Variants in CDH11 observed in about 807,000 individuals in gnomAD.
The protein encoded by CDH11 is cadherin-11.
In CDH11, 11 loss-of-function variants were observed where a neutral mutation model predicts 67.8. The observed-to-expected ratio is 0.16, with a 90% CI of 0.10 to 0.27. The LOEUF is 0.27. Among genes scored for constraint, CDH11 ranks in the 10% least tolerant of loss-of-function variants. The pLI, the probability that CDH11 is intolerant of heterozygous loss-of-function variation, is 1.00. For missense variants in CDH11, 847 were observed against 1,031.2 expected, an observed-to-expected ratio of 0.82 and a Z score of 2.45; for synonymous variants, 419 against 400.0, an observed-to-expected ratio of 1.05 and a Z score of -0.57.
At chr16:64,951,143 T>G (rs1376884646) in intron 11 of CDH11, 125 bp from the exon 12 acceptor site, 2 of 956,902 alleles carry the variant, frequency 2.1e-6, no homozygotes, top group Non-Finnish European at 1.5e-6. Flanking sequence ...TCGTTCTTAC[T>G]TGTTCTTTCA....
At chr16:64,989,321 TTG>T (rs1219471071) in intron 6 of CDH11, among the ~76,000 whole-genome samples, 2 of 151,912 alleles carry the variant, frequency 1.3e-5, no homozygotes, top group African/African-American at 4.8e-5. Flanking sequence ...TGTGAGCTAT[TTG>T]TGAGTGAGTT....
chr16:65,080,301 G>GTGCATTAA (rs1447638137), intron 1 of CDH11, among the ~76,000 whole-genome samples: 1 of 150,594 alleles, frequency 6.6e-6, no homozygotes, highest in Non-Finnish European at 1.5e-5. Flanking sequence ...AAAAAAACCT[G>GTGCATTAA]TGCATTAATG....
At chr16:65,012,188 C>A (rs2073197415) in intron 2 of CDH11, among the ~76,000 whole-genome samples, 1 of 152,170 alleles carries the variant, frequency 6.6e-6, no homozygotes, top group East Asian at 1.9e-4. Context: ...TGTAAAGTAT[C>A]GGTCCTGTAT....
At chr16:64,978,911 A>G (rs1437206581) in intron 8 of CDH11, among the ~76,000 whole-genome samples, 1 of 152,072 alleles carries the variant, frequency 6.6e-6, no homozygotes, top group Non-Finnish European at 1.5e-5. Flanking sequence ...AAAAGAATAG[A>G]CCCACTAGAA....
chr16:65,055,339 C>T (rs551330302), intron 1 of CDH11, among the ~76,000 whole-genome samples: 1 of 152,266 alleles, frequency 6.6e-6, no homozygotes, highest in East Asian at 1.9e-4. Flanking sequence ...GGGAGAGGGA[C>T]CTCCACCCTG....
At chr16:65,115,738 C>A (rs950407759) in intron 1 of CDH11, among the ~76,000 whole-genome samples, 9 of 144,440 alleles carry the variant, frequency 6.2e-5, no homozygotes, top group Non-Finnish European at 1.2e-4. Context: ...AACAAAACCT[C>A]AGTAATCAAA....
intron 2 of CDH11, among the ~76,000 whole-genome samples, chr16:65,024,191 T>C (rs1056415177): frequency 4.6e-5 from 7 of 152,342 alleles, no homozygotes; most frequent in Admixed American, 2.0e-4. Context: ...TTATGTCTTC[T>C]GCTTCCTCAG....
intron 11 of CDH11, chr16:64,968,525 A>G (rs1407838017): frequency 1.0e-6 from 1 of 985,274 alleles, no homozygotes; most frequent in African/African-American, 1.7e-5. Context: ...AGAATCATCC[A>G]GTGTTCTATT....
intron 11 of CDH11, among the ~76,000 whole-genome samples, chr16:64,959,806 T>A (rs909228775): frequency 2.0e-5 from 3 of 152,184 alleles, no homozygotes; most frequent in Non-Finnish European, 4.4e-5. Flanking sequence ...AGAAGCATAT[T>A]TGCATGCTAG....
rs142686060 is a variant in CDH11 at position 64,974,844 on chromosome 16, T to G, written c.1254-1804A>C. 2.3e-3 allele frequency among the ~76,000 whole-genome samples: 355 copies of G among 152,300 alleles called. 1 individual carries two copies. Among genetic ancestry groups the G allele is most frequent in the African/African-American group, 6.5e-3 (271 of 41,560 alleles). ...GATCATTAATAATTCAAGGTATTAT[T>G]CCACAGAAATGAAGGGCATGAGTTT... On this transcript the variant is annotated intron_variant, in intron 8 of 12. Transcript: ENST00000268603.
chr16:64,996,910 ATC>A (rs1361885467), intron 4 of CDH11, among the ~76,000 whole-genome samples: 1 of 152,152 alleles, frequency 6.6e-6, no homozygotes, highest in Non-Finnish European at 1.5e-5. Context: ...AAGTGCCGAA[ATC>A]TGTTGGTTAC....
Position 64,982,215 on chromosome 16 carries a change from G to T in CDH11, c.1086C>A (p.Gly362=), listed in dbSNP as rs2072370893. The change falls in exon 8 of 13, where the codon GGC becomes GGA. Residue 362 remains glycine, a synonymous_variant. Coordinates refer to ENST00000268603, the MANE Select transcript of CDH11 (RefSeq NM_001797.4). ...VHIDPKFISN[G]PFKDTVTVKI... The stretch of plus-strand genomic sequence containing the variant: ...TGACGGTCACAGTGTCCTTGAAAGG[G>T]CCATTGCTGATAAACTTCGGGTCGA... The T allele has an allele frequency of 6.2e-7, 1 of 1,613,856 alleles. No individual in the cohort carries two copies. Among genetic ancestry groups the T allele is most frequent in the Non-Finnish European group, 8.5e-7 (1 of 1,179,790 alleles).
intron 4 of CDH11, among the ~76,000 whole-genome samples, chr16:64,997,170 C>T (rs1345192009): frequency 1.3e-5 from 2 of 151,504 alleles, no homozygotes; most frequent in Admixed American, 6.6e-5. Flanking sequence ...CGTGGTGGCG[C>T]GCTCCTGTAA....
intron 3 of CDH11, 56 bp downstream of exon 3, chr16:65,004,586 G>T (rs1340761391): frequency 6.5e-7 from 1 of 1,539,844 alleles, no homozygotes; most frequent in Non-Finnish European, 8.8e-7. Flanking sequence ...TCTGGCCACA[G>T]ACGACTATTC....
chr16:65,071,618 C>G (rs1358136933), intron 1 of CDH11, among the ~76,000 whole-genome samples: 1 of 152,132 alleles, frequency 6.6e-6, no homozygotes, highest in Non-Finnish European at 1.5e-5. Context: ...AAGCGCGTGT[C>G]CCCAGACACC....
At chr16:65,014,327 A>G (rs776545471) in intron 2 of CDH11, among the ~76,000 whole-genome samples, 4 of 152,254 alleles carry the variant, frequency 2.6e-5, no homozygotes, top group South Asian at 2.1e-4. Flanking sequence ...AGTTCAAAAA[A>G]TCAGTGAACT....
chr16:65,112,286 G>A (rs2075174396), intron 1 of CDH11, among the ~76,000 whole-genome samples: 1 of 152,040 alleles, frequency 6.6e-6, no homozygotes, highest in Admixed American at 6.5e-5. Context: ...ACCACCACCA[G>A]GACATGGTAG....
intron 6 of CDH11, among the ~76,000 whole-genome samples, chr16:64,990,855 A>T (rs2142489300): frequency 6.6e-6 from 1 of 152,346 alleles, no homozygotes; most frequent in African/African-American, 2.4e-5. Context: ...TGTCATTATA[A>T]GATTTTACAC....
chr16:64,977,864 T>C (rs2072219498), intron 8 of CDH11, among the ~76,000 whole-genome samples: 1 of 152,260 alleles, frequency 6.6e-6, no homozygotes, highest in African/African-American at 2.4e-5. Context: ...TGTATGAGGC[T>C]GAAAAGATGC....
Sources: gnomAD v4.1 joint callset for allele counts (sites outside exome capture counted in the v4.1 genomes callset) on GRCh38, gnomAD v4.1.1 for gene constraint, MANE v1.5 for transcripts, NCBI Gene and HGNC (gene_info 2026-07-23, HGNC 2026-07-21) for gene names.